CRYL1: variants seen among roughly 807,000 people sequenced by gnomAD.
CRYL1 encodes the protein lambda-crystallin homolog.
A neutral mutation model predicts 36.6 loss-of-function variants in CRYL1; 29 were observed. The ratio of observed to expected loss-of-function variants is 0.79; its 90% CI spans 0.59 to 1.08. The LOEUF is 1.08. CRYL1 is among the 50% of genes least tolerant of loss of function. The pLI is 0.00. For missense variants in CRYL1, 411 were observed against 407.9 expected (o/e 1.01, Z -0.06); for synonymous variants, 152 against 151.5 (o/e 1.00, Z -0.02).
intron 2 of CRYL1, among the ~76,000 whole-genome samples, chr13:20,493,386 G>A (rs528993294): frequency 2.0e-5 from 3 of 152,314 alleles, no homozygotes; most frequent in East Asian, 1.9e-4. Context: ...CAGGCCAGGC[G>A]CGGTGGCTCA....
At chr13:20,502,817 G>T (rs1171513353) in intron 2 of CRYL1, among the ~76,000 whole-genome samples, 1 of 152,168 alleles carries the variant, frequency 6.6e-6, no homozygotes, top group Non-Finnish European at 1.5e-5. Context: ...AAAAAATGGG[G>T]TACTTTGGTT....
At chr13:20,489,893 AAGCAT>A (rs2033476072) in intron 2 of CRYL1, among the ~76,000 whole-genome samples, 1 of 152,230 alleles carries the variant, frequency 6.6e-6, no homozygotes, top group African/African-American at 2.4e-5. Flanking sequence ...GAAGCAACCT[AAGCAT>A]CCATCAATAG....
At chr13:20,515,082 C>T (rs958595578) in intron 1 of CRYL1, among the ~76,000 whole-genome samples, 1 of 152,072 alleles carries the variant, frequency 6.6e-6, no homozygotes, top group Non-Finnish European at 1.5e-5. Context: ...GTGGAAGAAA[C>T]CAGTCACAAA....
intron 2 of CRYL1, among the ~76,000 whole-genome samples, chr13:20,499,345 C>A (rs1179622732): frequency 4.6e-3 from 529 of 114,380 alleles, no homozygotes; most frequent in Middle Eastern, 0.014. Context: ...GACCCTGTCT[C>A]AAAAAAAAAA....
chr13:20,521,205 C>T (rs1407230686), intron 1 of CRYL1, among the ~76,000 whole-genome samples: 2 of 151,088 alleles, frequency 1.3e-5, no homozygotes, highest in African/African-American at 2.4e-5. Flanking sequence ...TAAATTGGAC[C>T]CAAAATACAG....
intron 4 of CRYL1, 71 bp downstream of exon 4, chr13:20,439,522 A>AAAAAAAAG: frequency 7.5e-6 from 7 of 937,870 alleles, no homozygotes; most frequent in Non-Finnish European, 1.0e-5. Flanking sequence ...CGCAAAAAAA[A>AAAAAAAAG]AAAAAAAAGA....
At chr13:20,521,096 C>T (rs1349765396) in intron 1 of CRYL1, among the ~76,000 whole-genome samples, 4 of 81,440 alleles carry the variant, frequency 4.9e-5, no homozygotes, top group African/African-American at 2.0e-4. Flanking sequence ...GAGCGAGACT[C>T]CGTCTCAAAA....
chr13:20,480,672 A>C (rs2033258482), intron 3 of CRYL1, among the ~76,000 whole-genome samples: 1 of 152,220 alleles, frequency 6.6e-6, no homozygotes, highest in Non-Finnish European at 1.5e-5. Context: ...TGCCTCGTCC[A>C]TCACTGCAGG....
rs1480838802 is a variant in CRYL1 at position 20,431,778 on chromosome 13, C to G, written c.633+324G>C. ...TAACACTGAGGGGTAAAAGCTGCCT[C>G]TGTGGGAAAATGCAGTGGGCCACAT... On this transcript the variant is annotated intron_variant, in intron 5 of 7. Coordinates refer to ENST00000298248, the MANE Select transcript of CRYL1 (RefSeq NM_015974.3). The G allele has an allele frequency of 2.4e-6, 3 of 1,257,174 alleles. No individual in the cohort carries two copies. In the Admixed American group the frequency reaches 1.0e-4, roughly 43 times the overall value. The allele number at this position is 1,257,174 out of a possible 1,614,324, so 77.9% of individuals were successfully genotyped here.
At chr13:20,505,674 G>A (rs556303503) in intron 2 of CRYL1, among the ~76,000 whole-genome samples, 81 of 152,288 alleles carry the variant, frequency 5.3e-4, no homozygotes, top group Admixed American at 3.9e-3. Context: ...GGGAGCCCAC[G>A]ACCTACAGTG....
intron 5 of CRYL1, among the ~76,000 whole-genome samples, chr13:20,420,814 C>T (rs1272808268): frequency 2.7e-5 from 4 of 149,180 alleles, no homozygotes; most frequent in East Asian, 2.0e-4. Flanking sequence ...CAACTCACTG[C>T]GACCTCCGCC....
intron 3 of CRYL1, among the ~76,000 whole-genome samples, chr13:20,472,256 C>T (rs934964917): frequency 2.0e-5 from 3 of 152,114 alleles, no homozygotes; most frequent in Non-Finnish European, 2.9e-5. Flanking sequence ...ACCTATAATA[C>T]CTTATACAGT....
intron 3 of CRYL1, among the ~76,000 whole-genome samples, chr13:20,470,910 C>CAAAAAAAAAAAAAAAA (rs11353451): frequency 3.9e-4 from 16 of 40,888 alleles, no homozygotes; most frequent in African/African-American, 1.3e-3. Context: ...AACTCCATCT[C>CAAAAAAAAAAAAAAAA]AAAAAAAAAA....
intron 2 of CRYL1, among the ~76,000 whole-genome samples, chr13:20,505,860 A>G (rs549491231): frequency 1.3e-5 from 2 of 152,318 alleles, no homozygotes; most frequent in Admixed American, 6.5e-5. Flanking sequence ...GGGACATTTT[A>G]ACCTTGGGGT....
chr13:20,500,930 T>TAC (rs2033691493), intron 2 of CRYL1, among the ~76,000 whole-genome samples: 2 of 152,192 alleles, frequency 1.3e-5, no homozygotes, highest in South Asian at 4.1e-4. Context: ...AAAAAAAGTG[T>TAC]TGAAGAACTG....
In CRYL1 at chr13:20,415,742, T is replaced by C. The variant is rs865891480; in HGVS notation, c.634-2355A>G. ...GAGGCCCGCACCCTGACTCCTGCAA[T>C]TGCGGCTTTCCCGCTTTTCAGACTG... On this transcript the variant is annotated intron_variant, in intron 5 of 7. Coordinates refer to ENST00000298248, the MANE Select transcript of CRYL1 (RefSeq NM_015974.3). The surrounding 1 kb of genome is among the most constrained non-coding windows in gnomAD (Gnocchi z 4.1). 3.3e-5 allele frequency among the ~76,000 whole-genome samples: 5 copies of C among 152,252 alleles called. No homozygotes were observed. The highest frequency in any genetic ancestry group is 7.2e-5 in the African/African-American group (3 of 41,470).
At position 20,507,725 on chromosome 13, in the gene CRYL1, T is replaced by A. The variant is rs571328776; in HGVS notation, c.149+4718A>T. Reference sequence around the variant, plus strand: ...CAAGGTCAGGAGATCGAGACCATCCTGGCTAACACAGTGAAACCCCGTCTC... The same window carrying A: ...CAAGGTCAGGAGATCGAGACCATCCAGGCTAACACAGTGAAACCCCGTCTC... On this transcript the variant is annotated intron_variant, in intron 2 of 7. Transcript: ENST00000298248. Among the ~76,000 whole-genome samples, 35 of 152,120 alleles carry A rather than the reference T, an allele frequency of 2.3e-4. 1 individual carries two copies. In the South Asian group the frequency reaches 6.8e-3, roughly 30 times the overall value.
chr13:20,444,129 T>TA (rs2032405418), intron 3 of CRYL1, among the ~76,000 whole-genome samples: 1 of 152,266 alleles, frequency 6.6e-6, no homozygotes, highest in African/African-American at 2.4e-5. Context: ...TTTACATTTT[T>TA]AAAAAAAGAA....
chr13:20,413,859 T>A (rs141212613), intron 5 of CRYL1, among the ~76,000 whole-genome samples: 1 of 152,298 alleles, frequency 6.6e-6, no homozygotes, highest in African/African-American at 2.4e-5. Context: ...GAATTTTGCA[T>A]GACAAAACTA....
Sources: allele counts gnomAD v4.1 joint callset (sites outside exome capture counted in the v4.1 genomes callset), GRCh38; gene constraint gnomAD v4.1.1; non-coding constraint Gnocchi (gnomAD v3.1); transcripts MANE v1.5; gene names NCBI Gene and HGNC (gene_info 2026-07-23, HGNC 2026-07-21).